The following OR3A2 variants were observed in gnomAD, a reference collection of about 807,000 sequenced individuals.
OR3A2 encodes olfactory receptor 3A2.
For missense variants in OR3A2, 318 were observed against 392.8 expected, an observed-to-expected ratio of 0.81 and a Z score of 1.61; for synonymous variants, 126 against 159.3, an observed-to-expected ratio of 0.79 and a Z score of 1.57.
At chr17:3,332,914 G>C (rs567686862) in intron 3 of OR3A2, among the ~76,000 whole-genome samples, 2 of 152,274 alleles carry the variant, frequency 1.3e-5, no homozygotes, top group African/African-American at 4.8e-5. Context: ...TGTAAAACGT[G>C]TGTTTGAACA....
At chr17:3,304,049 C>G (rs1277839196) in intron 3 of OR3A2, among the ~76,000 whole-genome samples, 1 of 148,712 alleles carries the variant, frequency 6.7e-6, no homozygotes, top group Non-Finnish European at 1.5e-5. Context: ...TAACAGTAAG[C>G]CAAAAATAAA....
intron 2 of OR3A2, among the ~76,000 whole-genome samples, chr17:3,347,999 T>C (rs1374975803): frequency 1.3e-5 from 2 of 152,356 alleles, no homozygotes; most frequent in African/African-American, 4.8e-5. Flanking sequence ...TGGCCAGTGA[T>C]GGTGAGCATT....
chr17:3,326,045 G>A (rs1294074353), intron 3 of OR3A2, among the ~76,000 whole-genome samples: 2 of 152,042 alleles, frequency 1.3e-5, no homozygotes, highest in East Asian at 1.9e-4. Context: ...GAGGTGTTTG[G>A]TTTTCTGTGC....
At chr17:3,317,245 A>G (rs975970162) in intron 3 of OR3A2, among the ~76,000 whole-genome samples, 3 of 152,202 alleles carry the variant, frequency 2.0e-5, no homozygotes, top group African/African-American at 7.2e-5. Flanking sequence ...AGTGAAACAG[A>G]AAGAGGTGAG....
intron 2 of OR3A2, among the ~76,000 whole-genome samples, chr17:3,344,059 C>G (rs535030539): frequency 1.3e-5 from 2 of 152,254 alleles, no homozygotes; most frequent in East Asian, 3.9e-4. Flanking sequence ...TTTGATTTTT[C>G]CACTCAGTGA....
intron 3 of OR3A2, among the ~76,000 whole-genome samples, chr17:3,324,360 ATCAAAG>A (rs1224307499): frequency 3.3e-5 from 5 of 151,888 alleles, no homozygotes; most frequent in Non-Finnish European, 7.3e-5. Context: ...TTCTCAACTC[ATCAAAG>A]TCATTCTCCG....
chr17:3,334,870 T>C (rs1168153247), intron 3 of OR3A2, among the ~76,000 whole-genome samples: 1 of 152,226 alleles, frequency 6.6e-6, no homozygotes, highest in Non-Finnish European at 1.5e-5. Context: ...TTTTTAACTA[T>C]TGTGAAGTGA....
intron 2 of OR3A2, among the ~76,000 whole-genome samples, chr17:3,369,571 G>C (rs1260730360): frequency 6.6e-6 from 1 of 152,056 alleles, no homozygotes; most frequent in Non-Finnish European, 1.5e-5. Context: ...TTGCATCCCT[G>C]GTATGAAACC....
At chr17:3,310,264 C>T (rs758409617) in intron 3 of OR3A2, 1 of 494,752 alleles carries the variant, frequency 2.0e-6, no homozygotes, top group East Asian at 5.6e-5. Flanking sequence ...TCTGCCACCA[C>T]CGGCCCCATC....
At chr17:3,383,303 T>G (rs2049753991) in intron 2 of OR3A2, among the ~76,000 whole-genome samples, 1 of 152,190 alleles carries the variant, frequency 6.6e-6, no homozygotes, top group African/African-American at 2.4e-5. Flanking sequence ...TGGACTGGCC[T>G]ATCTCAAGAA....
At chr17:3,327,687 T>C (rs1423361213) in intron 3 of OR3A2, among the ~76,000 whole-genome samples, 3 of 123,644 alleles carry the variant, frequency 2.4e-5, no homozygotes, top group African/African-American at 7.0e-5. Context: ...TTTATGGTTT[T>C]AGGTCTAACG....
chr17:3,309,125 C>T (rs912319773), intron 3 of OR3A2, among the ~76,000 whole-genome samples: 11 of 152,136 alleles, frequency 7.2e-5, no homozygotes, highest in Admixed American at 3.3e-4. Context: ...AGGCTGGTCT[C>T]GAACTCCTGA....
intron 2 of OR3A2, among the ~76,000 whole-genome samples, chr17:3,370,799 G>T (rs2150663972): frequency 6.6e-6 from 1 of 151,522 alleles, no homozygotes; most frequent in East Asian, 1.9e-4. Context: ...GTGTCCCTGG[G>T]TACTTGAGAT....
chr17:3,360,223 T>G (rs1285905414), intron 2 of OR3A2, among the ~76,000 whole-genome samples: 3 of 151,234 alleles, frequency 2.0e-5, no homozygotes, highest in Non-Finnish European at 4.4e-5. Context: ...TGTCTTCTTT[T>G]GCGAAGTGTC....
intron 1 of OR3A2, among the ~76,000 whole-genome samples, chr17:3,279,470 A>T (rs577860968): frequency 1.8e-4 from 28 of 152,358 alleles, no homozygotes; most frequent in African/African-American, 6.0e-4. Flanking sequence ...GTTTCAAAAT[A>T]GAAATCCAGA....
intron 2 of OR3A2, among the ~76,000 whole-genome samples, chr17:3,372,608 G>A (rs1222651836): frequency 2.6e-5 from 4 of 152,210 alleles, no homozygotes; most frequent in Non-Finnish European, 4.4e-5. Context: ...GATCACTCGC[G>A]GTTAGGAGCT....
chr17:3,363,037 T>A (rs1597359057), intron 2 of OR3A2, among the ~76,000 whole-genome samples: 1 of 151,866 alleles, frequency 6.6e-6, no homozygotes, highest in East Asian at 1.9e-4. Context: ...ATGACACCAT[T>A]TTTCCCTCTT....
rs1019213047 is a variant in OR3A2 at position 3,327,776 on chromosome 17, G to T, written c.-85+8257C>A. On this transcript the variant is annotated intron_variant, in intron 3 of 4. Transcript: ENST00000573491. ...ATCCAGTTTCAGCTTTCTACATATG[G>T]CTAGCCAGTTTTCCCAGCACCATTT... 5.5e-3 allele frequency among the ~76,000 whole-genome samples: 752 copies of T among 135,910 alleles called. 14 individuals carry two copies. The highest frequency in any genetic ancestry group is 0.021 in the African/African-American group (701 of 33,218). The allele number at this position is 135,910 out of a possible 152,430, so 89.2% of individuals were successfully genotyped here. A position where few individuals can be genotyped will look rare whatever the true frequency, so the allele number is the denominator to read the frequency against.
intron 3 of OR3A2, among the ~76,000 whole-genome samples, chr17:3,329,366 T>C (rs935323277): frequency 1.1e-4 from 16 of 149,192 alleles, no homozygotes; most frequent in African/African-American, 3.0e-4. Context: ...TGGTAAACTA[T>C]TGATTATTGC....
Sources: allele counts gnomAD v4.1 joint callset (sites outside exome capture counted in the v4.1 genomes callset), GRCh38; gene constraint gnomAD v4.1.1; transcripts MANE v1.5; gene names NCBI Gene and HGNC (gene_info 2026-07-23, HGNC 2026-07-21).